GLI3: variants seen among roughly 807,000 people sequenced by gnomAD.
GLI3 encodes transcription activator GLI3.
A neutral mutation model predicts 100.8 loss-of-function variants in GLI3; 20 were observed. The observed-to-expected ratio is 0.20, with a 90% CI of 0.14 to 0.29. The LOEUF is 0.29. Ranked by LOEUF, GLI3 falls within the 10% of genes least tolerant of loss-of-function variation. The pLI, the probability that GLI3 is intolerant of heterozygous loss-of-function variation, is 1.00. For synonymous variants in GLI3, 938 were observed against 860.5 expected (o/e 1.09, Z -1.58); for missense variants, 2,040 against 2,128.5 (o/e 0.96, Z 0.82).
intron 7 of GLI3, among the ~76,000 whole-genome samples, chr7:42,033,573 G>A (rs1789355218): frequency 2.0e-5 from 3 of 152,174 alleles, no homozygotes; most frequent in Admixed American, 2.0e-4. Context: ...GTGAGAAACT[G>A]ACTTCAAGAA....
intron 2 of GLI3, among the ~76,000 whole-genome samples, chr7:42,188,306 T>A (rs530309583): frequency 6.6e-6 from 1 of 152,148 alleles, no homozygotes; most frequent in Non-Finnish European, 1.5e-5. Flanking sequence ...TGGAAAGGTC[T>A]CTATCCTGGC....
chr7:42,212,103 C>T (rs1412733523), intron 2 of GLI3, among the ~76,000 whole-genome samples: 1 of 152,180 alleles, frequency 6.6e-6, no homozygotes, highest in Non-Finnish European at 1.5e-5. Flanking sequence ...CTTTCTCTCT[C>T]CCTCTTGCTT....
chr7:42,263,317 C>T (rs1403656809), intron 1 of GLI3, among the ~76,000 whole-genome samples: 1 of 152,136 alleles, frequency 6.6e-6, no homozygotes, highest in Non-Finnish European at 1.5e-5. Context: ...GTTTATGTGC[C>T]TATGTTAACT....
chr7:42,236,615 G>A (rs1274619918), intron 1 of GLI3, among the ~76,000 whole-genome samples: 1 of 152,234 alleles, frequency 6.6e-6, no homozygotes, highest in Non-Finnish European at 1.5e-5. Context: ...GAAGGAGCCA[G>A]GCGCGTGCGG....
intron 2 of GLI3, among the ~76,000 whole-genome samples, chr7:42,194,879 G>C (rs978106042): frequency 6.7e-6 from 1 of 149,838 alleles, no homozygotes; most frequent in African/African-American, 2.5e-5. Flanking sequence ...CGATTCTCCT[G>C]CCTCAGCCTC....
rs373444228 is a variant in GLI3, at chr7:42,263,362, G to T, written c.-43+632C>A. Among the ~76,000 whole-genome samples the T allele has an allele frequency of 5.3e-5, 8 of 152,192 alleles. No homozygotes were observed. The South Asian group carries it at 8.3e-4, about 16-fold the overall frequency. On this transcript the variant is annotated intron_variant, in intron 1 of 2. Coordinates refer to the GLI3 transcript ENST00000678978. ...AGCTGTGATGCTTCTTAGGTGGAAG[G>T]GTTGAAAGACACTGTGGGTCAATGT...
chr7:42,025,132 C>G, intron 9 of GLI3, 132 bp downstream of exon 9: 2 of 675,912 alleles, frequency 3.0e-6, no homozygotes, highest in South Asian at 3.3e-5. Context: ...AGAGTACGGC[C>G]AAGGTCAACA....
At chr7:42,185,080 T>C (rs1017602390) in intron 2 of GLI3, among the ~76,000 whole-genome samples, 42 of 151,888 alleles carry the variant, frequency 2.8e-4, no homozygotes, top group African/African-American at 9.9e-4. Flanking sequence ...CACCTGGGCA[T>C]GCAGGCAGGC....
intron 2 of GLI3, among the ~76,000 whole-genome samples, chr7:42,209,602 G>A (rs1014342577): frequency 9.9e-5 from 15 of 152,238 alleles, no homozygotes; most frequent in African/African-American, 2.9e-4. Context: ...CTGTCATGGA[G>A]ACTTGAATAT....
chr7:42,148,982 G>T (rs1192711044), intron 2 of GLI3, among the ~76,000 whole-genome samples: 2 of 152,178 alleles, frequency 1.3e-5, no homozygotes, highest in African/African-American at 4.8e-5. Flanking sequence ...GACCTATTAG[G>T]AAGCTATCCA....
intron 2 of GLI3, among the ~76,000 whole-genome samples, chr7:42,183,970 G>A (rs1191211842): frequency 2.0e-5 from 3 of 152,146 alleles, no homozygotes; most frequent in Non-Finnish European, 2.9e-5. Flanking sequence ...CCCCAGCTCC[G>A]ACACTGGCCA....
chr7:42,141,662 A>G (rs2128782734), intron 3 of GLI3, among the ~76,000 whole-genome samples: 1 of 152,088 alleles, frequency 6.6e-6, no homozygotes, highest in Non-Finnish European at 1.5e-5. Flanking sequence ...ACAAAGCAAG[A>G]CTCCGCCTCA....
At position 42,223,181 on chromosome 7, in the gene GLI3, T is replaced by C. The variant is rs1453190319; in HGVS notation, c.73A>G (p.Thr25Ala). The C allele has an allele frequency of 1.2e-6, 2 of 1,613,662 alleles. No homozygotes were observed. The highest frequency in any genetic ancestry group is 2.7e-5 in the African/African-American group (2 of 74,860). The change falls in exon 2 of 15, where the codon ACT becomes GCT. Residue 25 changes from threonine (T) to alanine (A), a missense_variant. Physicochemically the swap from Thr to Ala is moderately conservative, Grantham distance 58 (BLOSUM62 0). This residue lies in a region of GLI3 where 603 missense variants were observed against 690.9 expected (regional missense o/e 0.87). Coordinates refer to ENST00000395925, the MANE Select transcript of GLI3 (RefSeq NM_000168.6). ...KVENSIVKCS[T>A]RTDVSEKAVA... The stretch of plus-strand genomic sequence containing the variant: ...GCTTTCTCGCTCACATCTGTTCGAG[T>C]GGAGCACTTCACTATGGAATTCTCA...
intron 1 of GLI3, among the ~76,000 whole-genome samples, chr7:42,225,883 A>G (rs1421953396): frequency 6.6e-6 from 1 of 152,226 alleles, no homozygotes. Flanking sequence ...ATGCTCCATG[A>G]GGACAAGGCT....
At chr7:42,087,086 A>G (rs1248891667) in intron 3 of GLI3, among the ~76,000 whole-genome samples, 1 of 152,164 alleles carries the variant, frequency 6.6e-6, no homozygotes. Flanking sequence ...CAGGAACTCA[A>G]TAAATGTATG....
rs149260267 is a variant in GLI3 at position 42,203,307 on chromosome 7, C to T, written c.124+19823G>A. 3.9e-4 allele frequency among the ~76,000 whole-genome samples: 60 copies of T among 152,220 alleles called. 3 individuals are homozygous for T. The highest frequency in any genetic ancestry group is 1.3e-3 in the African/African-American group (56 of 41,538). On this transcript the variant is annotated intron_variant, in intron 2 of 14. Coordinates refer to ENST00000395925, the MANE Select transcript of GLI3 (RefSeq NM_000168.6). ...ATGTAGGGTCATTAACTATAGTTACCATGCCGTACAATAGCTCTGTTGAAC... is the reference window on the plus strand; with the variant it reads ...ATGTAGGGTCATTAACTATAGTTACTATGCCGTACAATAGCTCTGTTGAAC...
chr7:42,231,345 A>G (rs1462806517), intron 1 of GLI3, among the ~76,000 whole-genome samples: 1 of 152,230 alleles, frequency 6.6e-6, no homozygotes, highest in Admixed American at 6.5e-5. Context: ...TAAAAGCAAT[A>G]CTTTCAGAAT....
intron 6 of GLI3, among the ~76,000 whole-genome samples, chr7:42,041,376 G>A (rs1240149360): frequency 1.3e-5 from 2 of 152,196 alleles, no homozygotes; most frequent in Non-Finnish European, 2.9e-5. Flanking sequence ...AGATATTAGA[G>A]ATGTGAGCTT....
At chr7:42,215,626 C>G (rs1210044529) in intron 2 of GLI3, among the ~76,000 whole-genome samples, 1 of 152,172 alleles carries the variant, frequency 6.6e-6, no homozygotes, top group Admixed American at 6.5e-5. Context: ...CCCATCCAAG[C>G]AAAACATCAT....
Sources: allele counts gnomAD v4.1 joint callset (sites outside exome capture counted in the v4.1 genomes callset), GRCh38; gene constraint gnomAD v4.1.1; regional missense constraint gnomAD v4.1.1; transcripts MANE v1.5; gene names NCBI Gene and HGNC (gene_info 2026-07-23, HGNC 2026-07-21).